Variants in ACTR3C observed in about 807,000 individuals in gnomAD.
ACTR3C encodes actin-related protein 3C.
ACTR3C carries 18 observed loss-of-function variants against 26.3 expected under a neutral mutation model. That is an observed-to-expected ratio of 0.68 (90% CI 0.47 to 1.01). The LOEUF is 1.01. Ranked by LOEUF, ACTR3C falls within the 50% of genes least tolerant of loss-of-function variation. The pLI is 0.00. For missense variants in ACTR3C, 184 were observed against 250.7 expected (o/e 0.73, Z 1.80); for synonymous variants, 55 against 94.5 (o/e 0.58, Z 2.42).
chr7:150,041,798 C>A, the ACTR3C span, among the ~76,000 whole-genome samples: 1 of 136,974 alleles, frequency 7.3e-6, no homozygotes, highest in African/African-American at 2.9e-5. Context: ...GCGGGGGGTG[C>A]CTCCCCCCCT....
downstream of ACTR3C, among the ~76,000 whole-genome samples, chr7:150,243,080 T>C (rs1422476895): frequency 6.6e-6 from 1 of 152,232 alleles, no homozygotes; most frequent in Non-Finnish European, 1.5e-5. Flanking sequence ...CTCTGTACCA[T>C]GCTAAGCCCT....
chr7:149,956,231 G>A, the ACTR3C span, among the ~76,000 whole-genome samples: 1 of 152,098 alleles, frequency 6.6e-6, no homozygotes, highest in African/African-American at 2.4e-5. Flanking sequence ...GTATAGACTA[G>A]CTCTATAATA....
At chr7:150,037,765 G>GT in the ACTR3C span, among the ~76,000 whole-genome samples, 4 of 45,814 alleles carry the variant, frequency 8.7e-5, no homozygotes, top group East Asian at 4.5e-3. Context: ...CTCGCGGGGG[G>GT]TGCCTCCCCC....
the ACTR3C span, among the ~76,000 whole-genome samples, chr7:149,972,205 G>A: frequency 6.6e-6 from 1 of 152,134 alleles, no homozygotes. Flanking sequence ...ACAGAAAATG[G>A]CGTCCATATT....
the ACTR3C span, among the ~76,000 whole-genome samples, chr7:150,217,335 C>T: frequency 6.6e-5 from 10 of 151,482 alleles, no homozygotes; most frequent in South Asian, 4.2e-4. Flanking sequence ...TGATGTCTAA[C>T]GTAATACATA....
At chr7:150,281,469 C>T (rs1835336302) in intron 6 of ACTR3C, among the ~76,000 whole-genome samples, 1 of 150,030 alleles carries the variant, frequency 6.7e-6, no homozygotes, top group Non-Finnish European at 1.5e-5. Flanking sequence ...ACTGCTCAGA[C>T]ACTGCTTCTG....
chr7:150,135,932 G>A, the ACTR3C span, among the ~76,000 whole-genome samples: 1 of 152,240 alleles, frequency 6.6e-6, no homozygotes. Context: ...GAGCATCAGA[G>A]CCAAGCCAGC....
chr7:150,131,145 T>G, the ACTR3C span, among the ~76,000 whole-genome samples: 10 of 152,132 alleles, frequency 6.6e-5, no homozygotes, highest in African/African-American at 1.9e-4. Context: ...TCAATAAAGA[T>G]GACACAAAAA....
the ACTR3C span, among the ~76,000 whole-genome samples, chr7:150,165,911 G>A: frequency 3.3e-5 from 5 of 151,784 alleles, no homozygotes; most frequent in East Asian, 7.7e-4. Flanking sequence ...TTGTGAGGAT[G>A]GATGGTCATT....
At chr7:150,036,087 C>G in the ACTR3C span, among the ~76,000 whole-genome samples, 3 of 128,532 alleles carry the variant, frequency 2.3e-5, no homozygotes, top group African/African-American at 8.5e-5. Flanking sequence ...GTGCTCCCCC[C>G]CCTGCGATGG....
At chr7:150,166,959 C>A in the ACTR3C span, among the ~76,000 whole-genome samples, 2 of 149,766 alleles carry the variant, frequency 1.3e-5, no homozygotes, top group East Asian at 1.9e-4. Flanking sequence ...TAGTTCCATG[C>A]GTGTTGCTGC....
chr7:149,904,648 T>C, the ACTR3C span, among the ~76,000 whole-genome samples: 1 of 139,692 alleles, frequency 7.2e-6, no homozygotes, highest in African/African-American at 2.5e-5. Context: ...GAATACTCAA[T>C]TCGTATCCAC....
the ACTR3C span, among the ~76,000 whole-genome samples, chr7:149,974,351 C>G: frequency 6.7e-6 from 1 of 149,646 alleles, no homozygotes; most frequent in Non-Finnish European, 1.5e-5. Flanking sequence ...CCATCTCTTT[C>G]TAGTAACTTA....
At chr7:150,055,498 T>C in the ACTR3C span, among the ~76,000 whole-genome samples, 4 of 151,994 alleles carry the variant, frequency 2.6e-5, no homozygotes, top group African/African-American at 9.7e-5. Context: ...GGAGTTTTTT[T>C]TTTTTTTTTT....
chr7:150,016,815 T>TA, the ACTR3C span, among the ~76,000 whole-genome samples: 1 of 152,104 alleles, frequency 6.6e-6, no homozygotes, highest in Non-Finnish European at 1.5e-5. Context: ...GCAGGAATGG[T>TA]ATATGTGTCA....
the ACTR3C span, among the ~76,000 whole-genome samples, chr7:149,910,537 G>A: frequency 6.6e-6 from 1 of 152,038 alleles, no homozygotes; most frequent in Non-Finnish European, 1.5e-5. Flanking sequence ...TAAGTAAATC[G>A]AGAAGACTCA....
the ACTR3C span, among the ~76,000 whole-genome samples, chr7:150,069,367 T>C: frequency 6.6e-6 from 1 of 152,198 alleles, no homozygotes; most frequent in South Asian, 2.1e-4. Flanking sequence ...GGCTAAGGTG[T>C]TAGGGAGGGC....
chr7:150,049,277 G>C, the ACTR3C span, among the ~76,000 whole-genome samples: 1 of 152,014 alleles, frequency 6.6e-6, no homozygotes, highest in Non-Finnish European at 1.5e-5. Flanking sequence ...GGAGTTGCTG[G>C]GCACGCGTCT....
At chr7:150,147,096 A>G in the ACTR3C span, among the ~76,000 whole-genome samples, 2 of 152,174 alleles carry the variant, frequency 1.3e-5, no homozygotes, top group Non-Finnish European at 2.9e-5. Flanking sequence ...CTGTTCCAAA[A>G]TCACAAAGGA....
Sources: allele counts gnomAD v4.1 joint callset (sites outside exome capture counted in the v4.1 genomes callset), GRCh38; gene constraint gnomAD v4.1.1; transcripts MANE v1.5; gene names NCBI Gene and HGNC (gene_info 2026-07-23, HGNC 2026-07-21).